NIBAN3: variants seen among roughly 807,000 people sequenced by gnomAD.
NIBAN3 encodes niban apoptosis regulator 3, also known as protein Niban 3.
NIBAN3 carries 66 observed loss-of-function variants against 76.4 expected under a neutral mutation model. That is an observed-to-expected ratio of 0.86 (90% CI 0.71 to 1.06). The LOEUF is 1.06. Ranked by LOEUF, NIBAN3 falls within the 50% of genes least tolerant of loss-of-function variation. The probability of loss-of-function intolerance (pLI) is 0.00; values close to 1 mark genes in which losing one functional copy is unlikely to be tolerated. For synonymous variants in NIBAN3, 360 were observed against 355.2 expected (o/e 1.01, Z -0.15); for missense variants, 808 against 810.7 (o/e 1.00, Z 0.04).
At position 17,553,377 on chromosome 19, in the gene NIBAN3, CT is replaced by C; in HGVS notation, c.*1481del. The C allele has an allele frequency of 1.9e-6, 3 of 1,614,196 alleles. No individual in the cohort carries two copies. Among genetic ancestry groups the C allele is most frequent in the Non-Finnish European group, 2.5e-6 (3 of 1,180,054 alleles). ...GACAAGCTTTTACCGACTTCCTCTGCTTGCCAGCAAAGTCATCTGCTAACTG... is the reference window on the plus strand; with the variant it reads ...GACAAGCTTTTACCGACTTCCTCTGCTGCCAGCAAAGTCATCTGCTAACTG... On this transcript the variant is annotated 3_prime_UTR_variant, in exon 15 of 15. Coordinates refer to ENST00000599164, the MANE Select transcript of NIBAN3 (RefSeq NM_001321827.2).
chr19:17,535,683 G>A (rs1156742683), intron 4 of NIBAN3, among the ~76,000 whole-genome samples: 1 of 151,174 alleles, frequency 6.6e-6, no homozygotes, highest in Non-Finnish European at 1.5e-5. Flanking sequence ...GGGAGGCAGA[G>A]GTTATAGTGA....
Position 17,553,121 on chromosome 19 carries a change from A to T in NIBAN3, c.*1223A>T. ...GTTGATTAGCCATTTACATGTTTGT[A>T]GTTTTTTTTTTTTTAATTTCAGTGA... On this transcript the variant is annotated 3_prime_UTR_variant, in exon 15 of 15. Transcript: ENST00000599164. 1.4e-6 allele frequency: 1 copy of T among 723,530 alleles called. No homozygotes were observed. The highest frequency in any genetic ancestry group is 2.1e-6 in the Non-Finnish European group (1 of 477,928). The allele number at this position is 723,530 out of a possible 1,614,324, so 44.8% of individuals were successfully genotyped here. A position where few individuals can be genotyped will look rare whatever the true frequency, so the allele number is the denominator to read the frequency against.
chr19:17,537,494 G>A lies in NIBAN3; in HGVS notation c.546G>A (p.Gln182=). Residue 182 remains glutamine, a synonymous_variant, in exon 5 of 15, where the codon CAG becomes CAA. Transcript: ENST00000599164. ...LCFSAATREA[Q]HAWRLALQGG... ...TCTCTGCAGCCACCAGGGAGGCACAGCATGCCTGGAGGCTGGCCCTGCAGG... is the reference window on the plus strand; with the variant it reads ...TCTCTGCAGCCACCAGGGAGGCACAACATGCCTGGAGGCTGGCCCTGCAGG... The A allele has an allele frequency of 3.7e-6, 6 of 1,612,164 alleles. No individual in the cohort carries two copies. The highest frequency in any genetic ancestry group is 5.1e-6 in the Non-Finnish European group (6 of 1,179,962).
chr19:17,523,720 C>A (rs2075579092), upstream of NIBAN3, among the ~76,000 whole-genome samples: 1 of 152,274 alleles, frequency 6.6e-6, no homozygotes, highest in Non-Finnish European at 1.5e-5. Flanking sequence ...GCCCCTTTCA[C>A]CTCTCCCTCT....
At chr19:17,541,226 CAT>C (rs79074560) in intron 9 of NIBAN3, among the ~76,000 whole-genome samples, 2 of 104,126 alleles carry the variant, frequency 1.9e-5, no homozygotes, top group Non-Finnish European at 4.0e-5. Context: ...TACATACATA[CAT>C]ATATACATAC....
chr19:17,551,694 A>G (rs2032071706), intron 14 of NIBAN3, 92 bp from the exon 15 acceptor site: 1 of 599,920 alleles, frequency 1.7e-6, no homozygotes, highest in Non-Finnish European at 3.1e-6. Flanking sequence ...CCCAGCCAAC[A>G]TCTCTATTAA....
chr19:17,546,662 G>T (rs1397764104), intron 12 of NIBAN3, 24 bp from the exon 13 acceptor site: 15 of 1,512,760 alleles, frequency 9.9e-6, no homozygotes, highest in East Asian at 4.9e-5. Flanking sequence ...CTCCATCCGA[G>T]CCCCTAACCC....
upstream of NIBAN3, among the ~76,000 whole-genome samples, chr19:17,524,768 G>A (rs1182444279): frequency 6.6e-6 from 1 of 152,208 alleles, no homozygotes; most frequent in Non-Finnish European, 1.5e-5. Flanking sequence ...CTACATCATT[G>A]CTTTGCCCTG....
chr19:17,551,253 G>T (rs986801434), intron 14 of NIBAN3, among the ~76,000 whole-genome samples: 6 of 151,256 alleles, frequency 4.0e-5, no homozygotes, highest in African/African-American at 1.5e-4. Flanking sequence ...CCACCACCAC[G>T]CCCGGCTACT....
intron 5 of NIBAN3, among the ~76,000 whole-genome samples, chr19:17,537,986 G>A (rs911394154): frequency 6.6e-6 from 1 of 151,748 alleles, no homozygotes; most frequent in African/African-American, 2.4e-5. Flanking sequence ...GTTGTTGGGG[G>A]AGCCAGAAGG....
chr19:17,546,233 G>C (rs181978122), intron 12 of NIBAN3: 56 of 159,950 alleles, frequency 3.5e-4, no homozygotes, highest in African/African-American at 1.2e-3. Flanking sequence ...AATCATTAAT[G>C]ATATTCATAT....
rs771713381 is a variant in NIBAN3 at position 17,532,310 on chromosome 19, G to A, written c.234G>A (p.Arg78=). ...ACCGAGGACCCCTGACCCAGCTTCG[G>A]GGCCACCCACCCCGGTGGCAGCCGA... ...REHRGPLTQL[R]GHPPRWQPIF... Residue 78 remains arginine, a synonymous_variant, in exon 3 of 15, where the codon CGG becomes CGA. Transcript: ENST00000599164. The A allele has an allele frequency of 1.9e-6, 3 of 1,614,080 alleles. No homozygotes were observed. The highest frequency in any genetic ancestry group is 8.5e-7 in the Non-Finnish European group (1 of 1,179,990).
upstream of NIBAN3, among the ~76,000 whole-genome samples, chr19:17,527,029 G>C (rs113620315): frequency 6.6e-6 from 1 of 151,968 alleles, no homozygotes; most frequent in Non-Finnish European, 1.5e-5. Context: ...CATACACAAC[G>C]ACTGCTGGCC....
intron 1 of NIBAN3, among the ~76,000 whole-genome samples, chr19:17,528,672 A>G (rs185477993): frequency 3.9e-5 from 6 of 152,062 alleles, no homozygotes; most frequent in African/African-American, 1.4e-4. Flanking sequence ...CGCTGGGGAC[A>G]TTGTGGGGTT....
chr19:17,540,130 G>A, intron 8 of NIBAN3: 1 of 415,758 alleles, frequency 2.4e-6, no homozygotes, highest in Non-Finnish European at 4.3e-6. Flanking sequence ...GGGTGGGCGG[G>A]CCTGGGAAGT....
At chr19:17,526,931 C>T (rs1001791091), upstream of NIBAN3, among the ~76,000 whole-genome samples, 4 of 152,232 alleles carry the variant, frequency 2.6e-5, no homozygotes, top group Non-Finnish European at 2.9e-5. Flanking sequence ...CCAGCCTCAC[C>T]GGGCACAGGG....
chr19:17,524,321 T>C (rs1214897283), upstream of NIBAN3, among the ~76,000 whole-genome samples: 11 of 152,026 alleles, frequency 7.2e-5, no homozygotes, highest in Non-Finnish European at 1.6e-4. Flanking sequence ...AGTCTCGCCC[T>C]GTTGCTCAGG....
intron 9 of NIBAN3, among the ~76,000 whole-genome samples, chr19:17,541,644 CTTATT>C (rs10528626): frequency 0.045 from 6,118 of 136,966 alleles, 288 homozygotes; most frequent in East Asian, 0.12. Context: ...CTCACTGCTA[CTTATT>C]TTATTTTATT....
chr19:17,537,059 C>T lies in NIBAN3; in HGVS notation c.428-317C>T, dbSNP rs751147898. On this transcript the variant is annotated intron_variant, in intron 4 of 14. Transcript: ENST00000599164. ...CTCCAAAACCCCACATAAAGCCGGA[C>T]GACTCAGATAACATCCCAGCTTGAA... is the stretch of plus-strand genomic sequence containing the variant. 7.8e-4 allele frequency among the ~76,000 whole-genome samples: 119 copies of T among 152,140 alleles called. 2 individuals carry two copies. The highest frequency in any genetic ancestry group is 7.2e-4 in the Non-Finnish European group (49 of 68,026).
Sources: gnomAD v4.1 joint callset for allele counts (sites outside exome capture counted in the v4.1 genomes callset) on GRCh38, gnomAD v4.1.1 for gene constraint, MANE v1.5 for transcripts, NCBI Gene and HGNC (gene_info 2026-07-23, HGNC 2026-07-21) for gene names.